The following UGT1A6 variants were observed in gnomAD, a reference collection of about 807,000 sequenced individuals.
The protein encoded by UGT1A6 is UDP-glucuronosyltransferase 1A6.
A neutral mutation model predicts 44.4 loss-of-function variants in UGT1A6; 32 were observed. The observed-to-expected ratio is 0.72, with a 90% CI of 0.54 to 0.97. The LOEUF (loss-of-function observed/expected upper bound fraction) is 0.97. Ranked by LOEUF, UGT1A6 falls within the 50% of genes least tolerant of loss-of-function variation. The probability of loss-of-function intolerance (pLI) is 0.00; values close to 1 mark genes in which losing one functional copy is unlikely to be tolerated. For missense variants in UGT1A6, 685 were observed against 661.9 expected (o/e 1.03, Z -0.38); for synonymous variants, 238 against 248.5 (o/e 0.96, Z 0.40).
At chr2:233,728,971 A>T (rs1249154361) in intron 1 of UGT1A6, 11 of 1,483,052 alleles carry the variant, frequency 7.4e-6, no homozygotes. Context: ...ACAGTGATAG[A>T]TTAATGGTTA....
chr2:233,751,212 G>A (rs1434811842), intron 1 of UGT1A6, among the ~76,000 whole-genome samples: 1 of 151,972 alleles, frequency 6.6e-6, no homozygotes, highest in Non-Finnish European at 1.5e-5. Context: ...GGAGCTTTAA[G>A]ATTTAATGAC....
At chr2:233,757,592 A>C (rs1473098427) in intron 1 of UGT1A6, among the ~76,000 whole-genome samples, 1 of 143,702 alleles carries the variant, frequency 7.0e-6, no homozygotes, top group Non-Finnish European at 1.5e-5. Context: ...GTCTAATAGC[A>C]AGGACAGATA....
Position 233,693,298 on chromosome 2 carries a change from C to G in UGT1A6, c.294C>G (p.His98Gln), listed in dbSNP as rs762079696. The G allele has an allele frequency of 6.2e-7, 1 of 1,614,146 alleles. No individual in the cohort carries two copies. Among genetic ancestry groups the G allele is most frequent in the Non-Finnish European group, 8.5e-7 (1 of 1,180,008 alleles). The change falls in exon 1 of 5, where the codon CAC (histidine) becomes CAG (glutamine). Residue 98 changes from histidine to glutamine, a missense_variant. Coordinates refer to ENST00000305139, the MANE Select transcript of UGT1A6 (RefSeq NM_001072.4). ...KNRYQSFGNN[H>Q]FAERSFLTAP... ...GTTACCAATCATTTGGAAACAATCA[C>G]TTTGCTGAGCGATCATTCCTAACTG...
At chr2:233,704,656 C>A (rs1490809215) in intron 1 of UGT1A6, among the ~76,000 whole-genome samples, 3 of 151,996 alleles carry the variant, frequency 2.0e-5, no homozygotes, top group Non-Finnish European at 2.9e-5. Flanking sequence ...ATTTTTGGTT[C>A]TTTTCCTTTG....
intron 1 of UGT1A6, among the ~76,000 whole-genome samples, chr2:233,736,159 G>C (rs1376053272): frequency 6.6e-6 from 1 of 152,194 alleles, no homozygotes; most frequent in Non-Finnish European, 1.5e-5. Context: ...GTCAAACGTA[G>C]ATTTGGTCTT....
intron 1 of UGT1A6, among the ~76,000 whole-genome samples, chr2:233,715,640 T>C (rs6749496): frequency 0.45 from 68,545 of 151,744 alleles, 16,739 homozygotes; most frequent in African/African-American, 0.65. Flanking sequence ...GGTGTGATGG[T>C]GCACACCTGT....
rs188436882 is a variant in UGT1A6, at chr2:233,767,775, A to G, written c.994-74A>G. ...TTCCTTCAGAGGACCCCTGTTTTCT[A>G]GTTAGTATAGCAGATTTGTTTTCTA... is the stretch of plus-strand genomic sequence containing the variant. On this transcript the variant is annotated intron_variant, in intron 2 of 4. Transcript: ENST00000305139. 16 of 1,612,270 alleles carry G rather than the reference A, an allele frequency of 9.9e-6. No individual in the cohort carries two copies. In the East Asian group the frequency reaches 3.1e-4, roughly 31 times the overall value.
rs753668254 is a variant in UGT1A6 at position 233,760,974 on chromosome 2, G to A, written c.862-6060G>A. On this transcript the variant is annotated intron_variant, in intron 1 of 4. Coordinates refer to ENST00000305139, the MANE Select transcript of UGT1A6 (RefSeq NM_001072.4). ...TTCTGTGCGACGTGGTTTATTCCCC[G>A]TATGCAACCCTTGCCTCAGAATTCC... 78 of 1,614,002 alleles carry A rather than the reference G, an allele frequency of 4.8e-5. No individual in the cohort carries two copies. Among genetic ancestry groups the A allele is most frequent in the Admixed American group, 2.5e-4 (15 of 59,996 alleles).
Position 233,693,313 on chromosome 2 carries a change from AT to A in UGT1A6, c.311del (p.Phe104SerfsTer2). On this transcript the variant is annotated frameshift_variant, in exon 1 of 5. Coordinates refer to ENST00000305139, the MANE Select transcript of UGT1A6 (RefSeq NM_001072.4). LOFTEE classifies it high-confidence loss of function. ...FGNNHFAERS[F>X]LTAPQTEYRN... ...GAAACAATCACTTTGCTGAGCGATCATTCCTAACTGCTCCTCAGACAGAGTA... is the reference window on the plus strand; with the variant it reads ...GAAACAATCACTTTGCTGAGCGATCATCCTAACTGCTCCTCAGACAGAGTA... The A allele has an allele frequency of 6.2e-7, 1 of 1,614,218 alleles. No individual in the cohort carries two copies. The highest frequency in any genetic ancestry group is 8.5e-7 in the Non-Finnish European group (1 of 1,180,044).
At chr2:233,771,672 A>G (rs1345371063) in intron 4 of UGT1A6, 4 of 152,446 alleles carry the variant, frequency 2.6e-5, no homozygotes, top group Non-Finnish European at 4.4e-5. Flanking sequence ...CTCACAAAAT[A>G]TCACTAAAAA....
intron 1 of UGT1A6, among the ~76,000 whole-genome samples, chr2:233,704,622 G>C (rs1418353770): frequency 6.6e-6 from 1 of 152,090 alleles, no homozygotes; most frequent in African/African-American, 2.4e-5. Flanking sequence ...TATAGAGTTT[G>C]TTATATTAAC....
At chr2:233,758,716 G>T (rs905449123) in intron 1 of UGT1A6, among the ~76,000 whole-genome samples, 10 of 152,140 alleles carry the variant, frequency 6.6e-5, no homozygotes, top group African/African-American at 2.4e-4. Context: ...GTTTCTCTAT[G>T]ATCCTCTAAG....
intron 1 of UGT1A6, chr2:233,719,812 CAG>C: frequency 6.3e-7 from 1 of 1,587,558 alleles, no homozygotes; most frequent in Non-Finnish European, 8.6e-7. Flanking sequence ...TTCTTTATAA[CAG>C]ATAAACTGTT....
chr2:233,713,226 A>T, intron 1 of UGT1A6: 1 of 1,614,204 alleles, frequency 6.2e-7, no homozygotes, highest in South Asian at 1.1e-5. Flanking sequence ...CACCCTGACA[A>T]CGTATGCCAT....
chr2:233,729,264 G>T (rs921669787), intron 1 of UGT1A6: 3 of 1,614,004 alleles, frequency 1.9e-6, no homozygotes, highest in Admixed American at 1.7e-5. Flanking sequence ...GCATGCGGGA[G>T]GTCTTGCGGG....
At chr2:233,719,653 G>A (rs759057764) in intron 1 of UGT1A6, 6 of 1,614,078 alleles carry the variant, frequency 3.7e-6, no homozygotes, top group South Asian at 3.3e-5. Flanking sequence ...TTCATTGGGG[G>A]CATCAACTGT....
intron 1 of UGT1A6, among the ~76,000 whole-genome samples, chr2:233,705,801 AATT>A (rs1432798810): frequency 6.6e-6 from 1 of 152,156 alleles, no homozygotes; most frequent in Non-Finnish European, 1.5e-5. Context: ...CTTGTTCAAA[AATT>A]ATTAAGAATT....
At chr2:233,760,823 T>G in intron 1 of UGT1A6, 1 of 1,613,528 alleles carries the variant, frequency 6.2e-7, no homozygotes, top group Non-Finnish European at 8.5e-7. Context: ...CCATGCAGCC[T>G]GGAATTTGAG....
In UGT1A6 at chr2:233,748,102, A is replaced by G. The variant is rs1693867397; in HGVS notation, c.862-18932A>G. On this transcript the variant is annotated intron_variant, in intron 1 of 4. Coordinates refer to ENST00000305139, the MANE Select transcript of UGT1A6 (RefSeq NM_001072.4). Reference sequence around the variant, plus strand: ...CAGGTCGGTGTTCGTGCCTTCATCCAATCAATGTTCCAGGCAAAACAGTTT... The same window carrying G: ...CAGGTCGGTGTTCGTGCCTTCATCCGATCAATGTTCCAGGCAAAACAGTTT... The G allele has an allele frequency of 3.7e-6, 6 of 1,612,660 alleles. No homozygotes were observed. The Admixed American group carries it at 5.0e-5, about 13-fold the overall frequency.
Sources: allele counts gnomAD v4.1 joint callset (sites outside exome capture counted in the v4.1 genomes callset), GRCh38; gene constraint gnomAD v4.1.1; transcripts MANE v1.5; gene names NCBI Gene and HGNC (gene_info 2026-07-23, HGNC 2026-07-21).